The following HSPG2 variants were observed in gnomAD, a reference collection of about 807,000 sequenced individuals.
The protein encoded by HSPG2 is basement membrane-specific heparan sulfate proteoglycan core protein.
A neutral mutation model predicts 526.6 loss-of-function variants in HSPG2; 278 were observed. That is an observed-to-expected ratio of 0.53 (90% CI 0.48 to 0.58). The LOEUF is 0.58. Among genes scored for constraint, HSPG2 ranks in the 20% least tolerant of loss-of-function variants. The pLI, the probability that HSPG2 is intolerant of heterozygous loss-of-function variation, is 0.00. For missense variants in HSPG2, 5,354 were observed against 6,099.5 expected (o/e 0.88, Z 4.07); for synonymous variants, 2,465 against 2,555.4 (o/e 0.96, Z 1.07).
At position 21,874,699 on chromosome 1, in the gene HSPG2, T is replaced by A. The variant is rs751653012; in HGVS notation, c.3445A>T (p.Ser1149Cys). 8.1e-6 allele frequency: 13 copies of A among 1,608,942 alleles called. No homozygotes were observed. The South Asian group carries it at 1.4e-4, about 18-fold the overall frequency. ...TCACAGGTACCCAGGTAGAGGCCAC[T>A]GGGCGTGCGTGTGTAGCCTGTGTCA... ...DCDTGYTRTP[S>C]GLYLGTCERC... The change falls in exon 27 of 97, where the codon AGT (serine) becomes TGT (cysteine). Residue 1149 changes from serine to cysteine, a missense_variant. Coordinates refer to ENST00000374695, the MANE Select transcript of HSPG2 (RefSeq NM_005529.7).
At chr1:21,868,960 G>C in intron 33 of HSPG2, 1 of 975,536 alleles carries the variant, frequency 1.0e-6, no homozygotes, top group Non-Finnish European at 1.2e-6. Context: ...CTTCGTAGGA[G>C]AGAGAGAACT....
Position 21,842,108 on chromosome 1 carries a change from G to A in HSPG2, c.9087C>T (p.Pro3029=). The part of the protein sequence containing the change: ...LRSPVISIDP[P]SSTVQQGQDA... Reference sequence around the variant, plus strand: ...CCTGGCCCTGCTGCACGGTGCTGCTGGGCGGGTCGATGGAGATGACCGGGC... The same window carrying A: ...CCTGGCCCTGCTGCACGGTGCTGCTAGGCGGGTCGATGGAGATGACCGGGC... Residue 3029 remains proline (P), a synonymous_variant, in exon 69 of 97, where the codon CCC becomes CCT. Transcript: ENST00000374695. 1.2e-6 allele frequency: 2 copies of A among 1,613,680 alleles called. No homozygotes were observed. Among genetic ancestry groups the A allele is most frequent in the Non-Finnish European group, 1.7e-6 (2 of 1,180,010 alleles).
At chr1:21,925,404 C>A (rs1027051173) in intron 1 of HSPG2, among the ~76,000 whole-genome samples, 2 of 152,184 alleles carry the variant, frequency 1.3e-5, no homozygotes, top group Non-Finnish European at 2.9e-5. Flanking sequence ...TTCACCCAAG[C>A]CCCCAGTATG....
intron 74 of HSPG2, 69 bp downstream of exon 74, chr1:21,838,756 G>T: frequency 6.5e-7 from 1 of 1,544,118 alleles, no homozygotes; most frequent in South Asian, 1.2e-5. Flanking sequence ...ACCCGAGTCT[G>T]CCTAGCTGGG....
At chr1:21,883,593 T>C (rs1196479798) in intron 13 of HSPG2, among the ~76,000 whole-genome samples, 1 of 152,106 alleles carries the variant, frequency 6.6e-6, no homozygotes, top group Non-Finnish European at 1.5e-5. Flanking sequence ...CCAAAGTACT[T>C]GGATTACAGG....
At chr1:21,877,546 T>C (rs1641178542) in intron 21 of HSPG2, 1 of 149,266 alleles carries the variant, frequency 6.7e-6, no homozygotes, top group Non-Finnish European at 1.5e-5. Flanking sequence ...TTGCCTACAA[T>C]GGAGTACAGT....
rs1557716066 is a variant in HSPG2, at chr1:21,851,611, G to GCAC, written c.7090_7092dup (p.Val2364dup). On this transcript the variant is annotated inframe_insertion, in exon 55 of 97. Transcript: ENST00000374695. Reference sequence around the variant, plus strand: ...GTGACCTGGGCATGGGACTGCCCGGGCACCACGCAGTTCAGATCCAGGGTC... The same window carrying GCAC: ...GTGACCTGGGCATGGGACTGCCCGGGCACCACCACGCAGTTCAGATCCAGGGTC... 6.2e-7 allele frequency: 1 copy of GCAC among 1,611,290 alleles called. No homozygotes were observed. Among genetic ancestry groups the GCAC allele is most frequent in the East Asian group, 2.2e-5 (1 of 44,666 alleles).
intron 80 of HSPG2, 107 bp from the exon 81 acceptor site, chr1:21,832,713 T>C: frequency 1.3e-6 from 1 of 790,338 alleles, no homozygotes; most frequent in Non-Finnish European, 2.2e-6. Context: ...TCTCGGAACC[T>C]GTCCCTCCCT....
At position 21,839,543 on chromosome 1, in the gene HSPG2, G is replaced by C; in HGVS notation, c.9717C>G (p.Pro3239=). The C allele has an allele frequency of 6.2e-7, 1 of 1,613,836 alleles. No homozygotes were observed. The highest frequency in any genetic ancestry group is 8.5e-7 in the Non-Finnish European group (1 of 1,179,916). The part of the protein sequence containing the change: ...ATLRCSATGS[P]APTIHWSKLR... ...GCTTGGACCAGTGGATGGTGGGCGC[G>C]GGGCTGCCTGTGGAGTCGAGTGGAA... The change falls in exon 73 of 97, where the codon CCC becomes CCG. Residue 3239 remains proline (P), a synonymous_variant. Transcript: ENST00000374695. The surrounding 1 kb of genome is among the most constrained non-coding windows in gnomAD (Gnocchi z 4.5).
intron 74 of HSPG2, among the ~76,000 whole-genome samples, chr1:21,838,103 T>C (rs1447588696): frequency 8.2e-6 from 1 of 122,274 alleles, no homozygotes; most frequent in Non-Finnish European, 1.6e-5. Flanking sequence ...GCCACTGCAC[T>C]CCAGCCTGGG....
chr1:21,885,582 C>G, intron 9 of HSPG2, 131 bp from the exon 10 acceptor site: 3 of 1,017,192 alleles, frequency 2.9e-6, no homozygotes, highest in Non-Finnish European at 4.4e-6. Flanking sequence ...TGCTGCACAA[C>G]ACTGTCCAAC....
Position 21,842,780 on chromosome 1 carries a change from G to A in HSPG2, c.8900C>T (p.Ala2967Val), listed in dbSNP as rs201733295. 1.2e-4 allele frequency: 199 copies of A among 1,613,130 alleles called. 2 individuals carry two copies. The highest frequency in any genetic ancestry group is 1.5e-4 in the Non-Finnish European group (175 of 1,180,028). Residue 2967 changes from alanine to valine, a missense_variant, in exon 67 of 97, where the codon GCC becomes GTC. Physicochemically the swap from Ala to Val is moderately conservative, Grantham distance 64. Transcript: ENST00000374695. ...TWYKRGGSLPARHQTHGSQLR... is the reference protein window; with the variant it reads ...TWYKRGGSLPVRHQTHGSQLR... ...TCCTGGCCCCTGTACCTGGTGCCGG[G>A]CGGGGAGGCTGCCCCCGCGCTTGTA...
Position 21,876,410 on chromosome 1 carries a change from G to A in HSPG2, c.2827-5C>T. 1.2e-6 allele frequency: 2 copies of A among 1,610,530 alleles called. No individual in the cohort carries two copies. Among genetic ancestry groups the A allele is most frequent in the Non-Finnish European group, 1.7e-6 (2 of 1,178,416 alleles). ...CTCCTCAGAGGCCCCATGCAACTGG[G>A]AGGAGGAGAAAGGGCTGGGATGGGG... On this transcript the variant is annotated splice_polypyrimidine_tract_variant and splice_region_variant and intron_variant, in intron 22 of 96. Coordinates refer to ENST00000374695, the MANE Select transcript of HSPG2 (RefSeq NM_005529.7).
At chr1:21,851,736 G>A in intron 54 of HSPG2, 39 bp from the exon 55 acceptor site, 1 of 1,613,876 alleles carries the variant, frequency 6.2e-7, no homozygotes, top group Non-Finnish European at 8.5e-7. Context: ...CCTGTTCTCT[G>A]AAGCCACTCC....
chr1:21,885,012 C>A lies in HSPG2; in HGVS notation c.1355+1G>T. The A allele has an allele frequency of 6.2e-7, 1 of 1,613,892 alleles. No homozygotes were observed. The highest frequency in any genetic ancestry group is 8.5e-7 in the Non-Finnish European group (1 of 1,180,024). ...CCCACCACCTGGGCCCAGAGCCGCA[C>A]CTGGGATGAGAGGGGATGTGGCCCC... On this transcript the variant is annotated splice_donor_variant, in intron 11 of 96. Coordinates refer to ENST00000374695, the MANE Select transcript of HSPG2 (RefSeq NM_005529.7). LOFTEE classifies it high-confidence loss of function.
At position 21,836,876 on chromosome 1, in the gene HSPG2, C is replaced by T. The variant is rs1424851235; in HGVS notation, c.10281G>A (p.Arg3427=). The T allele has an allele frequency of 6.3e-7, 1 of 1,576,076 alleles. No individual in the cohort carries two copies. The highest frequency in any genetic ancestry group is 8.6e-7 in the Non-Finnish European group (1 of 1,160,800). ...CCTTGAACCAACGGAGCTGGGTACC[C>T]CGGTCGCTGGGCACAGCACAGTGGA... ...VEFHCAVPSD[R]GTQLRWFKEG... Residue 3427 remains arginine (R), a synonymous_variant, in exon 75 of 97, where the codon CGG becomes CGA. Coordinates refer to ENST00000374695, the MANE Select transcript of HSPG2 (RefSeq NM_005529.7).
Position 21,833,941 on chromosome 1 carries a change from G to C in HSPG2, c.10721-16C>G. The C allele has an allele frequency of 6.6e-7, 1 of 1,526,570 alleles. No individual in the cohort carries two copies. 94.6% of individuals were successfully genotyped at this position (1,526,570 alleles called of 1,614,324 possible). A position where few individuals can be genotyped will look rare whatever the true frequency, so the allele number is the denominator to read the frequency against. ...TGGGGCAAGGCTGAGAGGCATGGAA[G>C]AGACATAGGCCATCAACATGACAGT... On this transcript the variant is annotated splice_polypyrimidine_tract_variant and intron_variant, in intron 77 of 96. Coordinates refer to ENST00000374695, the MANE Select transcript of HSPG2 (RefSeq NM_005529.7).
At position 21,835,532 on chromosome 1, in the gene HSPG2, C is replaced by T. The variant is rs759705757; in HGVS notation, c.10453+8G>A. The T allele has an allele frequency of 6.2e-7, 1 of 1,604,080 alleles. No homozygotes were observed. Among genetic ancestry groups the T allele is most frequent in the Non-Finnish European group, 8.5e-7 (1 of 1,170,992 alleles). Reference sequence around the variant, plus strand: ...GCTCTTAGCAGAGGCCTGAAGCCACCCTCCTACCTTGGATAACCAGCTGGG... The same window carrying T: ...GCTCTTAGCAGAGGCCTGAAGCCACTCTCCTACCTTGGATAACCAGCTGGG... On this transcript the variant is annotated splice_region_variant and intron_variant, in intron 76 of 96. Coordinates refer to ENST00000374695, the MANE Select transcript of HSPG2 (RefSeq NM_005529.7).
At position 21,865,756 on chromosome 1, in the gene HSPG2, T is replaced by G; in HGVS notation, c.4275A>C (p.Pro1425=). Residue 1425 remains proline (P), a synonymous_variant, in exon 34 of 97, where the codon CCA becomes CCC. Coordinates refer to ENST00000374695, the MANE Select transcript of HSPG2 (RefSeq NM_005529.7). The surrounding 1 kb of genome is among the most constrained non-coding windows in gnomAD (Gnocchi z 5.4). ...CGGGGTCAGAGAGTGGGCTGCCCTGTGGGCCTGCTGTGTAGGAGAGGGTGT... is the reference window on the plus strand; with the variant it reads ...CGGGGTCAGAGAGTGGGCTGCCCTGGGGGCCTGCTGTGTAGGAGAGGGTGT... ...LRYTLSYTAG[P]QGSPLSDPDV... The G allele has an allele frequency of 1.2e-6, 2 of 1,613,924 alleles. No homozygotes were observed. Among genetic ancestry groups the G allele is most frequent in the Non-Finnish European group, 1.7e-6 (2 of 1,180,008 alleles).
Sources: allele counts gnomAD v4.1 joint callset (sites outside exome capture counted in the v4.1 genomes callset), GRCh38; gene constraint gnomAD v4.1.1; non-coding constraint Gnocchi (gnomAD v3.1); transcripts MANE v1.5; gene names NCBI Gene and HGNC (gene_info 2026-07-23, HGNC 2026-07-21).